NDUFA10: variants seen among roughly 807,000 people sequenced by gnomAD.
The protein encoded by NDUFA10 is NADH:ubiquinone oxidoreductase subunit A10.
Under a neutral mutation model 47.8 loss-of-function variants are expected in NDUFA10, and 40 were observed. The observed-to-expected ratio is 0.84, with a 90% CI of 0.65 to 1.09. NDUFA10 has a LOEUF of 1.09. NDUFA10 is among the 50% of genes least tolerant of loss of function. The pLI is 0.00. For synonymous variants in NDUFA10, 183 were observed against 172.2 expected (o/e 1.06, Z -0.49); for missense variants, 413 against 451.1 (o/e 0.92, Z 0.76).
At chr2:239,918,078 G>T (rs1331178641) in intron 4 of NDUFA10, among the ~76,000 whole-genome samples, 1 of 152,234 alleles carries the variant, frequency 6.6e-6, no homozygotes, top group African/African-American at 2.4e-5. Flanking sequence ...GTCCTCAGGG[G>T]AAGGGCCTCT....
chr2:239,895,100 G>GC (rs1252741434), intron 5 of NDUFA10: 4 of 263,532 alleles, frequency 1.5e-5, no homozygotes, highest in Non-Finnish European at 3.3e-5. Context: ...GAAGAATCTT[G>GC]CCTTCACCCT....
In NDUFA10 at chr2:239,958,464, T is replaced by C. The variant is rs923504400; in HGVS notation, c.*2654A>G. On this transcript the variant is annotated 3_prime_UTR_variant, in exon 10 of 10. Coordinates refer to ENST00000252711, the MANE Select transcript of NDUFA10 (RefSeq NM_004544.4). ...GCAGAGAAACCACCACGAATTCAAT[T>C]GAAGCGGCGTAACTGAAGGTCCCTG... The C allele has an allele frequency of 6.6e-6, 1 of 152,238 alleles. No individual in the cohort carries two copies. Among genetic ancestry groups the C allele is most frequent in the Non-Finnish European group, 1.5e-5 (1 of 68,044 alleles). The allele number at this position is 152,238 out of a possible 1,614,324, so 9.4% of individuals were successfully genotyped here.
At chr2:239,979,447 G>A (rs1014503185) in intron 9 of NDUFA10, among the ~76,000 whole-genome samples, 5 of 152,106 alleles carry the variant, frequency 3.3e-5, no homozygotes, top group East Asian at 1.9e-4. Context: ...TCAGCAGCCC[G>A]CTCCCCACCC....
At chr2:239,961,648 C>T (rs1441264032) in intron 9 of NDUFA10, among the ~76,000 whole-genome samples, 5 of 152,188 alleles carry the variant, frequency 3.3e-5, no homozygotes, top group Non-Finnish European at 7.3e-5. Context: ...CTGCAGAGGC[C>T]GGGCCGCTGG....
In NDUFA10 at chr2:240,022,149, T is replaced by G. The variant is rs771078959; in HGVS notation, c.244+23A>C. Reference sequence around the variant, plus strand: ...CCATATATCTGAGAAAAAGGTATCATTCTGTGTAACATAAAATCATACCTA... The same window carrying G: ...CCATATATCTGAGAAAAAGGTATCAGTCTGTGTAACATAAAATCATACCTA... On this transcript the variant is annotated intron_variant, in intron 2 of 9. Transcript: ENST00000252711. 27 of 1,593,824 alleles carry G rather than the reference T, an allele frequency of 1.7e-5. 1 individual carries two copies. Among genetic ancestry groups the G allele is most frequent in the Non-Finnish European group, 2.2e-5 (26 of 1,161,652 alleles).
At chr2:239,974,573 G>C (rs1695438251) in intron 9 of NDUFA10, among the ~76,000 whole-genome samples, 2 of 152,242 alleles carry the variant, frequency 1.3e-5, no homozygotes, top group Non-Finnish European at 1.5e-5. Flanking sequence ...GAAGTGTTTG[G>C]ATCATGCGGG....
rs959148144 is a variant in NDUFA10 at position 239,959,046 on chromosome 2, A to G, written c.*2072T>C. The G allele has an allele frequency of 1.0e-6, 1 of 985,374 alleles. No individual in the cohort carries two copies. The highest frequency in any genetic ancestry group is 4.7e-5 in the South Asian group (1 of 21,294). The allele number at this position is 985,374 out of a possible 1,614,324, so 61.0% of individuals were successfully genotyped here. A position where few individuals can be genotyped will look rare whatever the true frequency, so the allele number is the denominator to read the frequency against. On this transcript the variant is annotated 3_prime_UTR_variant, in exon 10 of 10. Coordinates refer to ENST00000252711, the MANE Select transcript of NDUFA10 (RefSeq NM_004544.4). ...ACCTCTTCTTGAGGCTTCTATGTGG[A>G]GAGAAGAATTGGACAGTGTTTATTC...
chr2:240,014,540 G>A lies in NDUFA10; in HGVS notation c.669+199C>T, dbSNP rs139944868. The stretch of plus-strand genomic sequence containing the variant: ...CAGAGCACTGGTGGGCGGCAGGCCC[G>A]CAGGCTGTGGCACCAGGCCGAGCCA... On this transcript the variant is annotated intron_variant, in intron 5 of 9. Coordinates refer to ENST00000252711, the MANE Select transcript of NDUFA10 (RefSeq NM_004544.4). The A allele has an allele frequency of 3.1e-4, 233 of 762,968 alleles. 3 individuals are homozygous for A. Among genetic ancestry groups the A allele is most frequent in the East Asian group, 5.3e-4 (18 of 34,072 alleles). The allele number at this position is 762,968 out of a possible 1,614,324, so 47.3% of individuals were successfully genotyped here. A position where few individuals can be genotyped will look rare whatever the true frequency, so the allele number is the denominator to read the frequency against.
chr2:239,916,053 C>CACACACAGA (rs1559278555), intron 4 of NDUFA10, among the ~76,000 whole-genome samples: 7 of 148,976 alleles, frequency 4.7e-5, no homozygotes, highest in Non-Finnish European at 7.4e-5. Flanking sequence ...CACAAACATA[C>CACACACAGA]ACACACACAT....
chr2:239,989,749 A>G (rs1696166876), intron 9 of NDUFA10, among the ~76,000 whole-genome samples: 1 of 152,246 alleles, frequency 6.6e-6, no homozygotes, highest in Non-Finnish European at 1.5e-5. Flanking sequence ...ACAAAGAGTA[A>G]GAAAATACCA....
intron 4 of NDUFA10, among the ~76,000 whole-genome samples, chr2:239,899,069 GT>G (rs2106462431): frequency 1.9e-5 from 1 of 53,954 alleles, no homozygotes; most frequent in African/African-American, 6.5e-5. Context: ...TGATGGAGGG[GT>G]GTGATGGAGG....
intron 9 of NDUFA10, among the ~76,000 whole-genome samples, chr2:239,981,256 C>T (rs1268188939): frequency 7.9e-5 from 12 of 152,206 alleles, no homozygotes; most frequent in Non-Finnish European, 1.2e-4. Context: ...CACCAAATGC[C>T]CATGGATGGA....
At chr2:239,948,269 C>G (rs541694716) in intron 4 of NDUFA10, among the ~76,000 whole-genome samples, 56 of 152,346 alleles carry the variant, frequency 3.7e-4, no homozygotes, top group African/African-American at 1.3e-3. Flanking sequence ...GGCTGTGCTC[C>G]GGACAATGGC....
intron 9 of NDUFA10, among the ~76,000 whole-genome samples, chr2:239,980,455 T>C (rs1204146041): frequency 6.6e-6 from 1 of 152,132 alleles, no homozygotes; most frequent in Non-Finnish European, 1.5e-5. Context: ...GCCTTCGGGG[T>C]TGGGGATTTA....
chr2:239,914,471 A>G (rs951970801), intron 4 of NDUFA10, among the ~76,000 whole-genome samples: 3 of 145,974 alleles, frequency 2.1e-5, no homozygotes, highest in Admixed American at 2.0e-4. Context: ...ACACACAGAC[A>G]CACACAAATA....
At chr2:239,911,508 G>C (rs28406139) in intron 4 of NDUFA10, among the ~76,000 whole-genome samples, 28,095 of 151,900 alleles carry the variant, frequency 0.18, 3,052 homozygotes, top group African/African-American at 0.3. Flanking sequence ...CAACATACCC[G>C]GAAAAGGGCC....
At position 239,964,286 on chromosome 2, in the gene NDUFA10, G is replaced by A. The variant is rs1297973746; in HGVS notation, c.1000-3100C>T. ...CCTCAGAAATCAGAGAAGGAGATGT[G>A]ACAATGGAAGCAACAGCCACAGTAA... On this transcript the variant is annotated intron_variant, in intron 9 of 9. Transcript: ENST00000252711. Among the ~76,000 whole-genome samples the A allele has an allele frequency of 5.9e-5, 9 of 152,262 alleles. No individual in the cohort carries two copies. In the East Asian group the frequency reaches 1.5e-3, roughly 26 times the overall value.
chr2:239,920,154 G>A (rs763810848), intron 4 of NDUFA10, among the ~76,000 whole-genome samples: 15 of 152,308 alleles, frequency 9.8e-5, no homozygotes, highest in East Asian at 1.9e-4. Flanking sequence ...CCCCATGATG[G>A]GACTGGGACA....
At chr2:239,994,995 C>A (rs534109088) in intron 8 of NDUFA10, among the ~76,000 whole-genome samples, 16 of 152,100 alleles carry the variant, frequency 1.1e-4, no homozygotes, top group Non-Finnish European at 2.1e-4. Flanking sequence ...GTGGAAGAGG[C>A]CGGGTGCGGC....
Sources: gnomAD v4.1 joint callset for allele counts (sites outside exome capture counted in the v4.1 genomes callset) on GRCh38, gnomAD v4.1.1 for gene constraint, MANE v1.5 for transcripts, NCBI Gene and HGNC (gene_info 2026-07-23, HGNC 2026-07-21) for gene names.